The following AVPR1B variants were observed in gnomAD, a reference collection of about 807,000 sequenced individuals.
AVPR1B encodes arginine vasopressin receptor 1B.
Under a neutral mutation model 27.5 loss-of-function variants are expected in AVPR1B, and 25 were observed. That is an observed-to-expected ratio of 0.91 (90% confidence interval 0.66 to 1.27). AVPR1B has a LOEUF of 1.27. Ranked by LOEUF, AVPR1B falls within the 50% of genes most tolerant of loss-of-function variation. The probability of loss-of-function intolerance (pLI) is 0.00; values close to 1 mark genes in which losing one functional copy is unlikely to be tolerated. For synonymous variants in AVPR1B, 248 were observed against 240.2 expected, an observed-to-expected ratio of 1.03 and a Z score of -0.30; for missense variants, 595 against 556.9, an observed-to-expected ratio of 1.07 and a Z score of -0.69.
Position 206,117,110 on chromosome 1 carries a change from C to T in AVPR1B, c.-220G>A. On this transcript the variant is annotated 5_prime_UTR_variant, in exon 1 of 2. Transcript: ENST00000367126. ...AGGAGAAAATGTGACTGGGATCGAC[C>T]CAGGAGAGGGAGAAGGAGGGGTCAG... 1.7e-6 allele frequency: 1 copy of T among 587,694 alleles called. No individual in the cohort carries two copies. Among genetic ancestry groups the T allele is most frequent in the Non-Finnish European group, 3.0e-6 (1 of 333,100 alleles). 36.4% of individuals were successfully genotyped at this position (587,694 alleles called of 1,614,324 possible). A position where few individuals can be genotyped will look rare whatever the true frequency, so the allele number is the denominator to read the frequency against.
In AVPR1B at chr1:206,108,618, C is replaced by A. The variant is rs1683143968; in HGVS notation, c.*1571G>T. Among the ~76,000 whole-genome samples the A allele has an allele frequency of 6.6e-6, 1 of 152,190 alleles. No homozygotes were observed. Among genetic ancestry groups the A allele is most frequent in the Non-Finnish European group, 1.5e-5 (1 of 68,034 alleles). ...TACAAATGACTTTTATATCCACAGT[C>A]CTATTTGATTCTCAGAACCAAGCTA... On this transcript the variant is annotated 3_prime_UTR_variant, in exon 2 of 2. Transcript: ENST00000367126.
rs782051903 is a variant in AVPR1B, at chr1:206,116,757, A to G, written c.134T>C (p.Leu45Pro). 3 of 1,612,960 alleles carry G rather than the reference A, an allele frequency of 1.9e-6. No homozygotes were observed. Among genetic ancestry groups the G allele is most frequent in the Non-Finnish European group, 2.5e-6 (3 of 1,179,518 alleles). ...CAGGTTGCCCCCGGTCGCCAGCACC[A>G]GGACAGTGGCCAGGACTCCGATCTC... ...KVEIGVLATV[L>P]VLATGGNLAV... is the part of the protein sequence containing the mutation. The change falls in exon 1 of 2, where the codon CTG becomes CCG. Residue 45 changes from leucine (L) to proline (P), a missense_variant. Physicochemically the swap from Leu to Pro is moderately conservative, Grantham distance 98. Coordinates refer to ENST00000367126, the MANE Select transcript of AVPR1B (RefSeq NM_000707.5).
At chr1:206,114,168 C>T (rs893400162) in intron 1 of AVPR1B, among the ~76,000 whole-genome samples, 15 of 152,156 alleles carry the variant, frequency 9.9e-5, no homozygotes, top group African/African-American at 2.9e-4. Context: ...GGCTTAAGCA[C>T]GTCCTGGGAT....
In AVPR1B at chr1:206,107,541, C is replaced by T. The variant is rs1045561111; in HGVS notation, c.*2648G>A. On this transcript the variant is annotated 3_prime_UTR_variant, in exon 2 of 2. Transcript: ENST00000367126. Reference sequence around the variant, plus strand: ...CAGTGTGCAGTCGCTCCCCACTGTCCATATCACAGGACAGAACCAGCTTTC... The same window carrying T: ...CAGTGTGCAGTCGCTCCCCACTGTCTATATCACAGGACAGAACCAGCTTTC... 6.6e-6 allele frequency among the ~76,000 whole-genome samples: 1 copy of T among 152,218 alleles called. No homozygotes were observed. The highest frequency in any genetic ancestry group is 1.5e-5 in the Non-Finnish European group (1 of 68,036).
At position 206,116,365 on chromosome 1, in the gene AVPR1B, C is replaced by A; in HGVS notation, c.526G>T (p.Glu176Ter). The change falls in exon 1 of 2, where the codon GAG (glutamate) becomes TAG (stop). Residue 176 changes from glutamate to a stop codon, truncating the protein, a stop_gained. Coordinates refer to ENST00000367126, the MANE Select transcript of AVPR1B (RefSeq NM_000707.5). LOFTEE classifies it high-confidence loss of function. ...LPQVFIFSLR[E>*]VIQGSGVLDC... Reference sequence around the variant, plus strand: ...AGCACCCCTGAGCCCTGGATCACCTCCCGCAGGGAAAAAATGAAGACTTGA... The same window carrying A: ...AGCACCCCTGAGCCCTGGATCACCTACCGCAGGGAAAAAATGAAGACTTGA... 1 of 1,613,644 alleles carries A rather than the reference C, an allele frequency of 6.2e-7. No individual in the cohort carries two copies. Among genetic ancestry groups the A allele is most frequent in the Non-Finnish European group, 8.5e-7 (1 of 1,180,026 alleles).
intron 1 of AVPR1B, among the ~76,000 whole-genome samples, chr1:206,114,208 AAAGG>A (rs1663425587): frequency 6.6e-6 from 1 of 152,176 alleles, no homozygotes; most frequent in African/African-American, 2.4e-5. Flanking sequence ...ACAACAATAC[AAAGG>A]AAGGGGACCA....
Position 206,116,146 on chromosome 1 carries a change from T to C in AVPR1B, c.745A>G (p.Arg249Gly). 6.2e-7 allele frequency: 1 copy of C among 1,614,054 alleles called. No individual in the cohort carries two copies. The highest frequency in any genetic ancestry group is 8.5e-7 in the Non-Finnish European group (1 of 1,179,966). ...VGGGGWRTWD[R>G]PSPSTLAATT... ...GCAGCTAAGGTGGAAGGTGAGGGCCTGTCCCAAGTCCTCCAGCCCCCTCCT... is the reference window on the plus strand; with the variant it reads ...GCAGCTAAGGTGGAAGGTGAGGGCCCGTCCCAAGTCCTCCAGCCCCCTCCT... The change falls in exon 1 of 2, where the codon AGG becomes GGG. Residue 249 changes from arginine (R) to glycine (G), a missense_variant. Coordinates refer to ENST00000367126, the MANE Select transcript of AVPR1B (RefSeq NM_000707.5).
At position 206,117,123 on chromosome 1, in the gene AVPR1B, A is replaced by C; in HGVS notation, c.-233T>G. 1.8e-6 allele frequency: 1 copy of C among 550,146 alleles called. No individual in the cohort carries two copies. The highest frequency in any genetic ancestry group is 3.1e-5 in the East Asian group (1 of 32,330). The allele number at this position is 550,146 out of a possible 1,614,324, so 34.1% of individuals were successfully genotyped here. ...ACTGGGATCGACCCAGGAGAGGGAG[A>C]AGGAGGGGTCAGGAAGATGGGGAAT... On this transcript the variant is annotated 5_prime_UTR_variant, in exon 1 of 2. Coordinates refer to ENST00000367126, the MANE Select transcript of AVPR1B (RefSeq NM_000707.5).
At position 206,108,224 on chromosome 1, in the gene AVPR1B, A is replaced by T. The variant is rs1288459107; in HGVS notation, c.*1965T>A. Among the ~76,000 whole-genome samples the T allele has an allele frequency of 1.3e-5, 2 of 152,226 alleles. No homozygotes were observed. Among genetic ancestry groups the T allele is most frequent in the African/African-American group, 4.8e-5 (2 of 41,454 alleles). ...AAGCCCACTTCACCAGGGCAGATAG[A>T]CAGGGAAGAAGTATTAGATGTCAGG... On this transcript the variant is annotated 3_prime_UTR_variant, in exon 2 of 2. Coordinates refer to ENST00000367126, the MANE Select transcript of AVPR1B (RefSeq NM_000707.5).
chr1:206,114,297 G>T (rs34974457), intron 1 of AVPR1B, among the ~76,000 whole-genome samples: 1 of 152,124 alleles, frequency 6.6e-6, no homozygotes, highest in Non-Finnish European at 1.5e-5. Flanking sequence ...TGTGCACAGG[G>T]CCTGCCTAGG....
In AVPR1B at chr1:206,110,276, G is replaced by T; in HGVS notation, c.1188C>A (p.Thr396=). The T allele has an allele frequency of 6.2e-7, 1 of 1,614,068 alleles. No homozygotes were observed. Residue 396 remains threonine, a synonymous_variant, in exon 2 of 2, where the codon ACC becomes ACA. Coordinates refer to ENST00000367126, the MANE Select transcript of AVPR1B (RefSeq NM_000707.5). ...PATLSLSLSL[T]LSGRPRPEES... ...CTTCAGGCCTGGGCCTCCCACTGAG[G>T]GTTAGGCTGAGGCTGAGGCTGAGGG...
rs1553290616 is a variant in AVPR1B, at chr1:206,116,771, G to T, written c.120C>A (p.Val40=). 3 of 1,613,254 alleles carry T rather than the reference G, an allele frequency of 1.9e-6. No individual in the cohort carries two copies. The highest frequency in any genetic ancestry group is 2.5e-6 in the Non-Finnish European group (3 of 1,179,734). Residue 40 remains valine (V), a synonymous_variant, in exon 1 of 2, where the codon GTC becomes GTA. Coordinates refer to ENST00000367126, the MANE Select transcript of AVPR1B (RefSeq NM_000707.5). ...DEELAKVEIG[V]LATVLVLATG... is the part of the protein sequence containing the mutation. Reference sequence around the variant, plus strand: ...TCGCCAGCACCAGGACAGTGGCCAGGACTCCGATCTCCACCTTGGCCAGCT... The same window carrying T: ...TCGCCAGCACCAGGACAGTGGCCAGTACTCCGATCTCCACCTTGGCCAGCT...
intron 1 of AVPR1B, among the ~76,000 whole-genome samples, chr1:206,113,955 G>A (rs150304987): frequency 4.6e-5 from 7 of 152,260 alleles, no homozygotes; most frequent in African/African-American, 1.4e-4. Context: ...CCCTACAGTT[G>A]GCTAGAATTA....
At position 206,109,537 on chromosome 1, in the gene AVPR1B, C is replaced by G. The variant is rs35439639; in HGVS notation, c.*652G>C. On this transcript the variant is annotated 3_prime_UTR_variant, in exon 2 of 2. Coordinates refer to ENST00000367126, the MANE Select transcript of AVPR1B (RefSeq NM_000707.5). ...ATCCACGCTGTCATGGGGGGTGGCA[C>G]GAGGAGAAGAGGGACTGGCATTTGC... Among the ~76,000 whole-genome samples, 2 of 151,930 alleles carry G rather than the reference C, an allele frequency of 1.3e-5. No homozygotes were observed. The highest frequency in any genetic ancestry group is 6.6e-5 in the Admixed American group (1 of 15,246).
At position 206,109,508 on chromosome 1, in the gene AVPR1B, C is replaced by CT. The variant is rs33975968; in HGVS notation, c.*680_*681insA. 2.0e-5 allele frequency among the ~76,000 whole-genome samples: 3 copies of CT among 151,756 alleles called. No homozygotes were observed. The highest frequency in any genetic ancestry group is 7.3e-5 in the African/African-American group (3 of 41,172). On this transcript the variant is annotated 3_prime_UTR_variant, in exon 2 of 2. Coordinates refer to ENST00000367126, the MANE Select transcript of AVPR1B (RefSeq NM_000707.5). ...CCACAGAGAATATACAACACTTTCC[C>CT]GTCATCCACGCTGTCATGGGGGGTG...
intron 1 of AVPR1B, among the ~76,000 whole-genome samples, chr1:206,111,613 C>T (rs755346263): frequency 5.8e-4 from 88 of 152,206 alleles, no homozygotes; most frequent in Non-Finnish European, 1.1e-3. Context: ...CTATACTCCA[C>T]CAGAGCTTCA....
intron 1 of AVPR1B, among the ~76,000 whole-genome samples, chr1:206,110,954 C>T (rs1304984943): frequency 2.6e-5 from 4 of 152,216 alleles, no homozygotes; most frequent in Admixed American, 1.3e-4. Flanking sequence ...AGGCCCCGCC[C>T]ATCTCCATCC....
At position 206,116,898 on chromosome 1, in the gene AVPR1B, G is replaced by A. The variant is rs782777456; in HGVS notation, c.-8C>T. 2 of 1,600,044 alleles carry A rather than the reference G, an allele frequency of 1.2e-6. No individual in the cohort carries two copies. The highest frequency in any genetic ancestry group is 1.3e-5 in the African/African-American group (1 of 74,662). ...CAGAGGCCCAGAATCCATGAGCAAG[G>A]TTTGCTGGGAGGGAAGGATGAAGGG... On this transcript the variant is annotated 5_prime_UTR_variant, in exon 1 of 2. Coordinates refer to ENST00000367126, the MANE Select transcript of AVPR1B (RefSeq NM_000707.5).
chr1:206,111,422 T>C (rs1469227888), intron 1 of AVPR1B, among the ~76,000 whole-genome samples: 3 of 152,368 alleles, frequency 2.0e-5, no homozygotes, highest in Admixed American at 2.0e-4. Flanking sequence ...CTGCTGGATC[T>C]GTCATGGTTA....
Sources: gnomAD v4.1 joint callset for allele counts (sites outside exome capture counted in the v4.1 genomes callset) on GRCh38, gnomAD v4.1.1 for gene constraint, MANE v1.5 for transcripts, NCBI Gene and HGNC (gene_info 2026-07-23, HGNC 2026-07-21) for gene names.